ANK2: variants seen among roughly 807,000 people sequenced by gnomAD.
ANK2 encodes the protein ankyrin 2, also known as ankyrin-2.
Under a neutral mutation model 360.5 loss-of-function variants are expected in ANK2, and 83 were observed. The ratio of observed to expected loss-of-function variants is 0.23; its 90% CI spans 0.19 to 0.28. The LOEUF is 0.28. ANK2 is among the 10% of genes least tolerant of loss of function. ANK2 has a pLI of 1.00. For missense variants in ANK2, 4,201 were observed against 4,795.7 expected (o/e 0.88, Z 3.66); for synonymous variants, 1,740 against 1,759.5 (o/e 0.99, Z 0.28).
chr4:112,868,347 C>A (rs1162371618), intron 1 of ANK2, among the ~76,000 whole-genome samples: 1 of 152,128 alleles, frequency 6.6e-6, no homozygotes, highest in Non-Finnish European at 1.5e-5. Flanking sequence ...TCTGGTGGGG[C>A]CTTCAAACTT....
At chr4:112,755,950 C>T in the ANK2 span, 1 of 151,466 alleles carries the variant, frequency 6.6e-6, no homozygotes, top group Non-Finnish European at 1.5e-5. Context: ...TATTAAGACA[C>T]AGTCATTGGC....
intron 1 of ANK2, among the ~76,000 whole-genome samples, chr4:112,867,043 T>C (rs1019587495): frequency 2.0e-4 from 31 of 152,224 alleles, no homozygotes; most frequent in African/African-American, 7.2e-4. Context: ...TCTTCTTGAA[T>C]ACACTTTAAA....
At chr4:112,850,701 A>G (rs2064747287) in intron 1 of ANK2, among the ~76,000 whole-genome samples, 2 of 150,392 alleles carry the variant, frequency 1.3e-5, no homozygotes, top group Non-Finnish European at 3.0e-5. Flanking sequence ...TATTTTTAGT[A>G]GAGACGGGAT....
chr4:112,762,923 G>T, the ANK2 span, among the ~76,000 whole-genome samples: 2 of 152,198 alleles, frequency 1.3e-5, no homozygotes, highest in Admixed American at 1.3e-4. Flanking sequence ...CCCTCTAGTG[G>T]CAATAATTTA....
chr4:112,849,762 G>C (rs2064197145), intron 1 of ANK2, among the ~76,000 whole-genome samples: 1 of 152,162 alleles, frequency 6.6e-6, no homozygotes, highest in South Asian at 2.1e-4. Flanking sequence ...AAACAGGGTT[G>C]TGATGGTTAA....
At chr4:113,363,577 G>C in intron 40 of ANK2, 108 bp downstream of exon 40, 1 of 1,179,806 alleles carries the variant, frequency 8.5e-7, no homozygotes, top group Non-Finnish European at 1.3e-6. Context: ...CCATTAATCT[G>C]CAGTACAGTG....
chr4:113,353,688 A>C lies in ANK2; in HGVS notation c.5070A>C (p.Thr1690=). 1 of 1,614,074 alleles carries C rather than the reference A, an allele frequency of 6.2e-7. No individual in the cohort carries two copies. Among genetic ancestry groups the C allele is most frequent in the Non-Finnish European group, 8.5e-7 (1 of 1,179,984 alleles). ...TACCCCCAGATGAGACACAGAGTACACAGAAACAGCACAAACCAAGCTTGG... is the reference window on the plus strand; with the variant it reads ...TACCCCCAGATGAGACACAGAGTACCCAGAAACAGCACAAACCAAGCTTGG... ...KDIPPDETQS[T]QKQHKPSLGI... is the part of the protein sequence containing the mutation. Residue 1690 remains threonine (T), a synonymous_variant, in exon 38 of 46, where the codon ACA becomes ACC. Transcript: ENST00000357077.
intron 1 of ANK2, chr4:113,145,598 T>C (rs1037391911): frequency 3.9e-5 from 41 of 1,064,672 alleles, no homozygotes; most frequent in Middle Eastern, 9.0e-4. Flanking sequence ...CATGCATAGC[T>C]GGCCTGGTAG....
chr4:113,123,071 A>C (rs1441852127), intron 1 of ANK2, among the ~76,000 whole-genome samples: 4 of 151,888 alleles, frequency 2.6e-5, no homozygotes, highest in African/African-American at 9.7e-5. Flanking sequence ...TTGAAAGAAA[A>C]AGAAAATTTT....
intron 4 of ANK2, among the ~76,000 whole-genome samples, chr4:113,201,282 G>T (rs1051033129): frequency 2.0e-5 from 3 of 152,080 alleles, no homozygotes; most frequent in Admixed American, 6.6e-5. Flanking sequence ...ATAACCACCT[G>T]CACGGCTTGT....
intron 43 of ANK2, among the ~76,000 whole-genome samples, chr4:113,370,966 T>C (rs1370621031): frequency 6.6e-6 from 1 of 152,100 alleles, no homozygotes; most frequent in Non-Finnish European, 1.5e-5. Context: ...GAGAATCTGT[T>C]TGAATTAAAC....
At chr4:113,302,041 T>C (rs1477887665) in intron 22 of ANK2, among the ~76,000 whole-genome samples, 6 of 152,322 alleles carry the variant, frequency 3.9e-5, no homozygotes, top group Middle Eastern at 3.4e-3. Flanking sequence ...CCTTTACTTA[T>C]GGTTGAGGAA....
chr4:112,977,096 T>C (rs2041684197), intron 2 of ANK2, among the ~76,000 whole-genome samples: 1 of 152,244 alleles, frequency 6.6e-6, no homozygotes, highest in Admixed American at 6.5e-5. Context: ...GAATGGTTTA[T>C]ACTGGGCCAC....
intron 1 of ANK2, among the ~76,000 whole-genome samples, chr4:112,827,798 A>C (rs779337858): frequency 6.6e-6 from 1 of 152,238 alleles, no homozygotes; most frequent in Non-Finnish European, 1.5e-5. Flanking sequence ...TGCCCAAATC[A>C]ATTTACAGAT....
At chr4:112,894,282 C>G (rs1480769252) in intron 1 of ANK2, among the ~76,000 whole-genome samples, 1 of 152,114 alleles carries the variant, frequency 6.6e-6, no homozygotes, top group African/African-American at 2.4e-5. Context: ...GAAATTCAGT[C>G]TAGTGGAGAA....
chr4:113,064,340 G>A (rs750015048), intron 1 of ANK2, among the ~76,000 whole-genome samples: 14 of 152,062 alleles, frequency 9.2e-5, no homozygotes, highest in Middle Eastern at 3.2e-3. Flanking sequence ...GTGACTTACC[G>A]TGATGACAGG....
chr4:113,306,684 T>C (rs2077371795), intron 23 of ANK2, among the ~76,000 whole-genome samples: 1 of 152,148 alleles, frequency 6.6e-6, no homozygotes, highest in Admixed American at 6.5e-5. Flanking sequence ...TGGATATCAT[T>C]CCACATATAT....
chr4:113,281,083 G>T (rs1487368364), intron 17 of ANK2, among the ~76,000 whole-genome samples: 1 of 152,162 alleles, frequency 6.6e-6, no homozygotes, highest in African/African-American at 2.4e-5. Flanking sequence ...AAAAATGAAA[G>T]ATACTTATTC....
the ANK2 span, among the ~76,000 whole-genome samples, chr4:112,733,660 AT>A: frequency 1.3e-5 from 2 of 152,224 alleles, no homozygotes; most frequent in East Asian, 3.8e-4. Context: ...CTTCAATTCA[AT>A]TCAACAATTC....
Sources: allele counts gnomAD v4.1 joint callset (sites outside exome capture counted in the v4.1 genomes callset), GRCh38; gene constraint gnomAD v4.1.1; transcripts MANE v1.5; gene names NCBI Gene and HGNC (gene_info 2026-07-23, HGNC 2026-07-21).